Variants in GALNT18 observed in about 807,000 individuals in gnomAD.
GALNT18 encodes GalNAc-transferase 18.
A neutral mutation model predicts 69.5 loss-of-function variants in GALNT18; 44 were observed. That is an observed-to-expected ratio of 0.63 (90% CI 0.50 to 0.81). The LOEUF (loss-of-function observed/expected upper bound fraction) is 0.81. Among genes scored for constraint, GALNT18 ranks in the 40% least tolerant of loss-of-function variants. The pLI is 0.00. For synonymous variants in GALNT18, 364 were observed against 318.2 expected (o/e 1.14, Z -1.53); for missense variants, 715 against 810.0 (o/e 0.88, Z 1.42).
intron 3 of GALNT18, among the ~76,000 whole-genome samples, chr11:11,386,198 T>C (rs1308724743): frequency 1.3e-5 from 2 of 152,142 alleles, no homozygotes; most frequent in Non-Finnish European, 2.9e-5. Context: ...CTTCCTCACT[T>C]ATCAGGTGGG....
chr11:11,353,087 A>G (rs1197134975), intron 6 of GALNT18: 5 of 1,614,042 alleles, frequency 3.1e-6, no homozygotes, highest in Non-Finnish European at 4.2e-6. Context: ...CATCTGTGTA[A>G]ACTCTGGCCC....
rs1853796971 is a variant in GALNT18, at chr11:11,377,569, A to C, written c.780-190T>G. Among the ~76,000 whole-genome samples, 1 of 152,084 alleles carries C rather than the reference A, an allele frequency of 6.6e-6. No individual in the cohort carries two copies. The highest frequency in any genetic ancestry group is 2.1e-4 in the South Asian group (1 of 4,824). On this transcript the variant is annotated intron_variant, in intron 4 of 10. Coordinates refer to ENST00000227756, the MANE Select transcript of GALNT18 (RefSeq NM_198516.3). The surrounding 1 kb of genome is among the most constrained non-coding windows in gnomAD (Gnocchi z 4.6). ...TTCCCGCTCCCTGAGGATTGCCGGA[A>C]TGGCAAGAGGCTGCACCACTCCATT...
chr11:11,288,010 C>T (rs148540769), intron 10 of GALNT18, among the ~76,000 whole-genome samples: 20 of 152,302 alleles, frequency 1.3e-4, no homozygotes, highest in Middle Eastern at 3.4e-3. Context: ...TATCTCTTCC[C>T]GGGACAATGA....
intron 9 of GALNT18, among the ~76,000 whole-genome samples, chr11:11,324,869 T>G (rs1849891983): frequency 6.6e-6 from 1 of 152,224 alleles, no homozygotes; most frequent in African/African-American, 2.4e-5. Context: ...TGTTTAATGA[T>G]TTCTTTTGCT....
chr11:11,507,539 CT>C (rs1298664774), intron 1 of GALNT18, among the ~76,000 whole-genome samples: 6 of 152,098 alleles, frequency 3.9e-5, no homozygotes, highest in South Asian at 2.1e-4. Context: ...TTCCCCTTCC[CT>C]AACTTTTTAG....
At position 11,523,785 on chromosome 11, in the gene GALNT18, C is replaced by A. The variant is rs1382839162; in HGVS notation, c.236-74849G>T. 2.0e-5 allele frequency among the ~76,000 whole-genome samples: 3 copies of A among 151,794 alleles called. No individual in the cohort carries two copies. Among genetic ancestry groups the A allele is most frequent in the Non-Finnish European group, 4.4e-5 (3 of 67,984 alleles). On this transcript the variant is annotated intron_variant, in intron 1 of 10. Coordinates refer to ENST00000227756, the MANE Select transcript of GALNT18 (RefSeq NM_198516.3). The surrounding 1 kb of genome is among the most constrained non-coding windows in gnomAD (Gnocchi z 4.3). ...AGGAGGTAGGACACACGGCTGCAAGCAACAGCAACAGCACTGGCTAACATG... is the reference window on the plus strand; with the variant it reads ...AGGAGGTAGGACACACGGCTGCAAGAAACAGCAACAGCACTGGCTAACATG...
Position 11,377,550 on chromosome 11 carries a change from C to T in GALNT18, c.780-171G>A, listed in dbSNP as rs1284090738. On this transcript the variant is annotated intron_variant, in intron 4 of 10. Coordinates refer to ENST00000227756, the MANE Select transcript of GALNT18 (RefSeq NM_198516.3). The surrounding 1 kb of genome is among the most constrained non-coding windows in gnomAD (Gnocchi z 4.6). ...GAAGGAGCTCCTATTCAACTTCCCG[C>T]TCCCTGAGGATTGCCGGAATGGCAA... 2.0e-5 allele frequency among the ~76,000 whole-genome samples: 3 copies of T among 152,158 alleles called. No individual in the cohort carries two copies. The highest frequency in any genetic ancestry group is 2.9e-5 in the Non-Finnish European group (2 of 68,036).
At chr11:11,303,147 G>C (rs886924631) in intron 9 of GALNT18, among the ~76,000 whole-genome samples, 8 of 152,166 alleles carry the variant, frequency 5.3e-5, no homozygotes, top group African/African-American at 1.2e-4. Flanking sequence ...CCTCTGCCTG[G>C]GGGACTTTTC....
At position 11,454,956 on chromosome 11, in the gene GALNT18, G is replaced by A. The variant is rs1855893611; in HGVS notation, c.236-6020C>T. On this transcript the variant is annotated intron_variant, in intron 1 of 10. Coordinates refer to ENST00000227756, the MANE Select transcript of GALNT18 (RefSeq NM_198516.3). The surrounding 1 kb of genome is among the most constrained non-coding windows in gnomAD (Gnocchi z 4.2). ...AGCATGACATTTCTGACATTAACAG[G>A]CAAACAGGCTGACTCCTTCCTCATT... 6.6e-6 allele frequency among the ~76,000 whole-genome samples: 1 copy of A among 152,188 alleles called. No individual in the cohort carries two copies. The highest frequency in any genetic ancestry group is 1.5e-5 in the Non-Finnish European group (1 of 68,040).
intron 1 of GALNT18, among the ~76,000 whole-genome samples, chr11:11,522,990 T>G (rs1400089236): frequency 6.6e-6 from 1 of 152,230 alleles, no homozygotes; most frequent in African/African-American, 2.4e-5. Context: ...AGTAAGAGAC[T>G]GAGCGCAGTG....
chr11:11,322,109 G>T (rs1044151354), intron 9 of GALNT18, among the ~76,000 whole-genome samples: 1 of 152,142 alleles, frequency 6.6e-6, no homozygotes, highest in Non-Finnish European at 1.5e-5. Flanking sequence ...TACATACCAG[G>T]TATGGTTTTA....
rs141187286 is a variant in GALNT18, at chr11:11,496,998, C to T, written c.236-48062G>A. Among the ~76,000 whole-genome samples, 9 of 152,264 alleles carry T rather than the reference C, an allele frequency of 5.9e-5. No individual in the cohort carries two copies. Among genetic ancestry groups the T allele is most frequent in the East Asian group, 5.8e-4 (3 of 5,176 alleles). On this transcript the variant is annotated intron_variant, in intron 1 of 10. Coordinates refer to ENST00000227756, the MANE Select transcript of GALNT18 (RefSeq NM_198516.3). This position sits in a 1 kb window ranked among gnomAD's most constrained non-coding sequence, Gnocchi z 4.0. ...CCACCGTGGTCTCCAAGGGCCTCATCGGTCCTGCTCATCCCATCCTTCTCT... is the reference window on the plus strand; with the variant it reads ...CCACCGTGGTCTCCAAGGGCCTCATTGGTCCTGCTCATCCCATCCTTCTCT...
At chr11:11,502,723 G>A (rs1007451273) in intron 1 of GALNT18, among the ~76,000 whole-genome samples, 11 of 152,206 alleles carry the variant, frequency 7.2e-5, no homozygotes, top group South Asian at 2.1e-4. Context: ...TTTGGCAGCC[G>A]CAGACTTTGC....
In GALNT18 at chr11:11,439,941, G is replaced by A. The variant is rs935024033; in HGVS notation, c.429-7154C>T. Among the ~76,000 whole-genome samples the A allele has an allele frequency of 6.6e-6, 1 of 152,244 alleles. No homozygotes were observed. Among genetic ancestry groups the A allele is most frequent in the African/African-American group, 2.4e-5 (1 of 41,468 alleles). On this transcript the variant is annotated intron_variant, in intron 2 of 10. Coordinates refer to ENST00000227756, the MANE Select transcript of GALNT18 (RefSeq NM_198516.3). The surrounding 1 kb of genome is among the most constrained non-coding windows in gnomAD (Gnocchi z 4.4). ...ATCCAGGACTTCAGAGATTTGGCAA[G>A]ACACTACATCTGTCCCAGATATGGA...
intron 10 of GALNT18, among the ~76,000 whole-genome samples, chr11:11,290,688 C>T (rs1176749879): frequency 6.6e-6 from 1 of 152,206 alleles, no homozygotes; most frequent in Non-Finnish European, 1.5e-5. Context: ...TACATTGTCT[C>T]CTGAGAAACC....
At chr11:11,431,884 T>G (rs978946500) in intron 3 of GALNT18, among the ~76,000 whole-genome samples, 3 of 152,166 alleles carry the variant, frequency 2.0e-5, no homozygotes, top group African/African-American at 7.2e-5. Context: ...AGAACACTGG[T>G]TTTTCAGCTG....
chr11:11,313,478 T>A (rs1849702418), intron 9 of GALNT18, among the ~76,000 whole-genome samples: 1 of 152,204 alleles, frequency 6.6e-6, no homozygotes, highest in Admixed American at 6.5e-5. Context: ...AATCAGGAAG[T>A]CCATCCCATA....
At chr11:11,434,310 T>C (rs1055403789) in intron 2 of GALNT18, among the ~76,000 whole-genome samples, 1 of 152,182 alleles carries the variant, frequency 6.6e-6, no homozygotes, top group Non-Finnish European at 1.5e-5. Flanking sequence ...AAAACCAAGT[T>C]AATAGATTGG....
rs1849728939 is a variant in GALNT18 at position 11,315,052 on chromosome 11, G to GTA, written c.1512+12033_1512+12034insTA. On this transcript the variant is annotated intron_variant, in intron 9 of 10. Transcript: ENST00000227756. The surrounding 1 kb of genome is among the most constrained non-coding windows in gnomAD (Gnocchi z 5.6). ...ATACTAATTATATGTGTGTGTGTGT[G>GTA]TGTGTGTGTGTATGTGTGTATATAT... Among the ~76,000 whole-genome samples the GTA allele has an allele frequency of 6.6e-6, 1 of 151,914 alleles. No individual in the cohort carries two copies. The highest frequency in any genetic ancestry group is 1.5e-5 in the Non-Finnish European group (1 of 67,996).
Sources: allele counts gnomAD v4.1 joint callset (sites outside exome capture counted in the v4.1 genomes callset), GRCh38; gene constraint gnomAD v4.1.1; non-coding constraint Gnocchi (gnomAD v3.1); transcripts MANE v1.5; gene names NCBI Gene and HGNC (gene_info 2026-07-23, HGNC 2026-07-21).